Variants in COL21A1 observed in about 807,000 individuals in gnomAD.
COL21A1 encodes collagen type XXI alpha 1 chain.
Under a neutral mutation model 137.9 loss-of-function variants are expected in COL21A1, and 149 were observed. That is an observed-to-expected ratio of 1.08 (90% CI 0.95 to 1.24). COL21A1 has a LOEUF of 1.24. Among genes scored for constraint, COL21A1 ranks in the 50% most tolerant of loss-of-function variants. The probability of loss-of-function intolerance (pLI) is 0.00; values close to 1 mark genes in which losing one functional copy is unlikely to be tolerated. For missense variants in COL21A1, 1,167 were observed against 1,158.4 expected (o/e 1.01, Z -0.11); for synonymous variants, 456 against 391.5 (o/e 1.16, Z -1.95).
intron 1 of COL21A1, among the ~76,000 whole-genome samples, chr6:56,385,129 G>A (rs996372250): frequency 7.2e-5 from 11 of 152,218 alleles, no homozygotes; most frequent in Non-Finnish European, 1.5e-4. Flanking sequence ...TCGTGGAGAG[G>A]TTAGTAGGGA....
Position 56,113,117 on chromosome 6 carries a change from G to C in COL21A1, c.1758+10945C>G, listed in dbSNP as rs988433612. Among the ~76,000 whole-genome samples the C allele has an allele frequency of 2.0e-5, 3 of 152,180 alleles. No individual in the cohort carries two copies. The South Asian group carries it at 6.2e-4, about 31-fold the overall frequency. Reference sequence around the variant, plus strand: ...CCAAGTAAACTTGAAAGGGAGCCTAGGCCATAATGTCTGCAACTCATAAAA... The same window carrying C: ...CCAAGTAAACTTGAAAGGGAGCCTACGCCATAATGTCTGCAACTCATAAAA... On this transcript the variant is annotated intron_variant, in intron 16 of 29. Transcript: ENST00000244728.
intron 1 of COL21A1, chr6:56,276,809 T>G (rs112861056): frequency 2.2e-6 from 2 of 927,260 alleles, no homozygotes; most frequent in African/African-American, 3.5e-5. Flanking sequence ...TTTTTTTTGT[T>G]TTTTTTGTTT....
intron 1 of COL21A1, among the ~76,000 whole-genome samples, chr6:56,336,564 C>A (rs2152344405): frequency 6.6e-6 from 1 of 152,176 alleles, no homozygotes; most frequent in Non-Finnish European, 1.5e-5. Flanking sequence ...TCAAAACCAC[C>A]AAGATTAACT....
intron 17 of COL21A1, among the ~76,000 whole-genome samples, chr6:56,081,094 A>G (rs1767717375): frequency 6.6e-6 from 1 of 151,860 alleles, no homozygotes; most frequent in South Asian, 2.1e-4. Flanking sequence ...ACAAATATTT[A>G]GCTCAGTGCT....
chr6:56,354,917 T>A (rs570465978), intron 1 of COL21A1, among the ~76,000 whole-genome samples: 1 of 152,216 alleles, frequency 6.6e-6, no homozygotes, highest in East Asian at 1.9e-4. Context: ...TTCAAGTCTA[T>A]GAAAAAAAGT....
intron 1 of COL21A1, among the ~76,000 whole-genome samples, chr6:56,294,921 C>T (rs560448792): frequency 4.7e-4 from 71 of 152,066 alleles, no homozygotes; most frequent in African/African-American, 1.7e-3. Context: ...GTGTCTTTCA[C>T]AAAGCAGAAG....
chr6:56,365,346 T>A (rs1365935400), intron 1 of COL21A1, among the ~76,000 whole-genome samples: 1 of 152,208 alleles, frequency 6.6e-6, no homozygotes, highest in South Asian at 2.1e-4. Context: ...CCCTAATGGC[T>A]AGACAAGGAA....
At chr6:56,330,014 C>A (rs1444924778) in intron 1 of COL21A1, among the ~76,000 whole-genome samples, 1 of 152,048 alleles carries the variant, frequency 6.6e-6, no homozygotes, top group Non-Finnish European at 1.5e-5. Context: ...ATCTGCTCTT[C>A]TAAAAGTTTT....
chr6:56,169,856 T>G (rs1381466245), intron 5 of COL21A1, among the ~76,000 whole-genome samples: 1 of 151,988 alleles, frequency 6.6e-6, no homozygotes, highest in Non-Finnish European at 1.5e-5. Context: ...CTTATTCATT[T>G]GTCATTTCTT....
At chr6:56,273,574 C>A (rs1409222125) in intron 1 of COL21A1, among the ~76,000 whole-genome samples, 1 of 151,992 alleles carries the variant, frequency 6.6e-6, no homozygotes, top group African/African-American at 2.4e-5. Context: ...TACAAAGGAC[C>A]CTCAGAGGCT....
chr6:56,389,282 G>A (rs1241663724), intron 1 of COL21A1, among the ~76,000 whole-genome samples: 26 of 151,874 alleles, frequency 1.7e-4, no homozygotes, highest in Admixed American at 1.6e-3. Context: ...TTACTTGAAC[G>A]TGGGAGGTGG....
intron 17 of COL21A1, among the ~76,000 whole-genome samples, chr6:56,088,924 C>G (rs904551780): frequency 6.6e-6 from 1 of 152,042 alleles, no homozygotes; most frequent in Non-Finnish European, 1.5e-5. Flanking sequence ...GTAGCTGGCA[C>G]TAGGCACACA....
In COL21A1 at chr6:56,164,891, A is replaced by G. The variant is rs1004053324; in HGVS notation, c.1279-69T>C. 59 of 1,198,106 alleles carry G rather than the reference A, an allele frequency of 4.9e-5. No homozygotes were observed. In the African/African-American group the frequency reaches 9.0e-4, roughly 18 times the overall value. 74.2% of individuals were successfully genotyped at this position (1,198,106 alleles called of 1,614,324 possible). A position where few individuals can be genotyped will look rare whatever the true frequency, so the allele number is the denominator to read the frequency against. ...AATTTATAAATTATCAGCCTAATTT[A>G]CAGATATTTCACCATCCAGATTAGA... On this transcript the variant is annotated intron_variant, in intron 7 of 29. Coordinates refer to ENST00000244728, the MANE Select transcript of COL21A1 (RefSeq NM_030820.4).
chr6:56,279,394 T>A (rs893537684), intron 1 of COL21A1, among the ~76,000 whole-genome samples: 1 of 152,222 alleles, frequency 6.6e-6, no homozygotes, highest in Non-Finnish European at 1.5e-5. Flanking sequence ...GAGAACTGAC[T>A]AATACAGTTT....
At chr6:56,251,754 C>A (rs1782861612), upstream of COL21A1, among the ~76,000 whole-genome samples, 1 of 152,168 alleles carries the variant, frequency 6.6e-6, no homozygotes, top group South Asian at 2.1e-4. Flanking sequence ...TTCACAAAGA[C>A]AAGCAGTTCT....
intron 10 of COL21A1, among the ~76,000 whole-genome samples, chr6:56,145,709 T>C (rs1475734187): frequency 6.6e-6 from 1 of 152,138 alleles, no homozygotes; most frequent in Non-Finnish European, 1.5e-5. Context: ...TTTCCTATGA[T>C]CTTTGAGTGG....
chr6:56,346,359 C>T (rs559106470), intron 1 of COL21A1, among the ~76,000 whole-genome samples: 83 of 152,298 alleles, frequency 5.4e-4, no homozygotes, highest in African/African-American at 1.9e-3. Context: ...TCTTTTGGGT[C>T]TAGCTGCTTT....
At chr6:56,270,928 A>G (rs968109903) in intron 1 of COL21A1, among the ~76,000 whole-genome samples, 18 of 152,174 alleles carry the variant, frequency 1.2e-4, no homozygotes, top group African/African-American at 4.3e-4. Context: ...TTTGTTTACA[A>G]ATTACCCAGT....
intron 10 of COL21A1, among the ~76,000 whole-genome samples, chr6:56,142,250 G>T (rs1774471601): frequency 6.6e-6 from 1 of 152,152 alleles, no homozygotes; most frequent in East Asian, 1.9e-4. Flanking sequence ...GAGAGTTAAT[G>T]TTCACAGTTT....
Sources: allele counts gnomAD v4.1 joint callset (sites outside exome capture counted in the v4.1 genomes callset), GRCh38; gene constraint gnomAD v4.1.1; transcripts MANE v1.5; gene names NCBI Gene and HGNC (gene_info 2026-07-23, HGNC 2026-07-21).